TNIP3: variants seen among roughly 807,000 people sequenced by gnomAD.
The protein encoded by TNIP3 is TNFAIP3 interacting protein 3, also known as TNFAIP3-interacting protein 3.
Under a neutral mutation model 54.1 loss-of-function variants are expected in TNIP3, and 34 were observed. The ratio of observed to expected loss-of-function variants is 0.63; its 90% CI spans 0.48 to 0.84. The LOEUF (loss-of-function observed/expected upper bound fraction) is 0.84, where lower values mean the gene tolerates loss of function less well. TNIP3 is among the 40% of genes least tolerant of loss of function. The pLI is 0.00. For missense variants in TNIP3, 366 were observed against 387.6 expected (o/e 0.94, Z 0.47); for synonymous variants, 134 against 136.8 (o/e 0.98, Z 0.14).
chr4:121,210,210 C>A (rs1726405504), intron 2 of TNIP3, among the ~76,000 whole-genome samples: 1 of 151,828 alleles, frequency 6.6e-6, no homozygotes, highest in African/African-American at 2.4e-5. Flanking sequence ...ATTTCACCAT[C>A]CTTTAATGAA....
Position 121,132,426 on chromosome 4 carries a change from A to T in TNIP3, c.*205T>A. ...AACTGGAAGTTGTATTTGGTTGTAT[A>T]ATAACTGGCTCCTCCAATTTGATCA... is the stretch of plus-strand genomic sequence containing the variant. On this transcript the variant is annotated 3_prime_UTR_variant, in exon 11 of 11. Coordinates refer to ENST00000057513, the MANE Select transcript of TNIP3 (RefSeq NM_024873.6). The T allele has an allele frequency of 2.1e-6, 1 of 481,916 alleles. No individual in the cohort carries two copies. Among genetic ancestry groups the T allele is most frequent in the Non-Finnish European group, 3.7e-6 (1 of 271,278 alleles). The allele number at this position is 481,916 out of a possible 1,614,324, so 29.9% of individuals were successfully genotyped here. A position where few individuals can be genotyped will look rare whatever the true frequency, so the allele number is the denominator to read the frequency against.
At chr4:121,154,980 A>G (rs958637376) in intron 4 of TNIP3, among the ~76,000 whole-genome samples, 5 of 147,056 alleles carry the variant, frequency 3.4e-5, no homozygotes, top group African/African-American at 1.2e-4. Flanking sequence ...TTTTTTTTTT[A>G]AAGACGAATT....
At chr4:121,157,442 C>A (rs1232999378) in intron 3 of TNIP3, among the ~76,000 whole-genome samples, 199 bp from the exon 4 acceptor site, 1 of 152,070 alleles carries the variant, frequency 6.6e-6, no homozygotes, top group African/African-American at 2.4e-5. Context: ...ACCAAAACAG[C>A]CTTCTTTTCT....
Position 121,142,608 on chromosome 4 carries a change from T to G in TNIP3, c.786+118A>C, listed in dbSNP as rs1182130599. On this transcript the variant is annotated intron_variant, in intron 8 of 10. Transcript: ENST00000057513. ...TATCCGTTGATGGTGTAGTCAGTAA[T>G]GAAAAGCATGGGTTGTTGTAGGTCA... 4 of 895,756 alleles carry G rather than the reference T, an allele frequency of 4.5e-6. No homozygotes were observed. In the African/African-American group the frequency reaches 6.6e-5, roughly 15 times the overall value. 55.5% of individuals were successfully genotyped at this position (895,756 alleles called of 1,614,324 possible). A position where few individuals can be genotyped will look rare whatever the true frequency, so the allele number is the denominator to read the frequency against.
intron 2 of TNIP3, among the ~76,000 whole-genome samples, chr4:121,194,764 T>C (rs1725474731): frequency 6.6e-6 from 1 of 152,044 alleles, no homozygotes; most frequent in Non-Finnish European, 1.5e-5. Flanking sequence ...CTTCTCATAA[T>C]AAACAAATAG....
chr4:121,150,274 TC>T, intron 5 of TNIP3, 55 bp from the exon 6 acceptor site: 1 of 1,103,608 alleles, frequency 9.1e-7, no homozygotes, highest in Admixed American at 2.0e-5. Context: ...TGGAATGAAT[TC>T]TTTTATAATT....
intron 2 of TNIP3, among the ~76,000 whole-genome samples, chr4:121,212,044 T>C (rs923441758): frequency 9.2e-5 from 14 of 152,218 alleles, no homozygotes; most frequent in Non-Finnish European, 1.9e-4. Context: ...AATTCTAATT[T>C]GGTATTCTTT....
In TNIP3 at chr4:121,188,423, G is replaced by A. The variant is rs374031515; in HGVS notation, c.69-5627C>T. On this transcript the variant is annotated intron_variant, in intron 2 of 12. Transcript: ENST00000507879. ...TCTGTGAGCAGCCAGAGAGGACACA[G>A]GAAGAGATCAATGATTTTCAGGTGT... Among the ~76,000 whole-genome samples the A allele has an allele frequency of 5.2e-4, 79 of 152,218 alleles. No individual in the cohort carries two copies. In the South Asian group the frequency reaches 0.015, roughly 30 times the overall value.
chr4:121,136,470 C>T (rs1158071298), intron 10 of TNIP3: 2 of 152,102 alleles, frequency 1.3e-5, no homozygotes, highest in African/African-American at 4.8e-5. Flanking sequence ...TACTTAAATT[C>T]TCTAAGCCTC....
chr4:121,135,211 A>G (rs1161679937), intron 10 of TNIP3, among the ~76,000 whole-genome samples: 1 of 152,174 alleles, frequency 6.6e-6, no homozygotes, highest in Non-Finnish European at 1.5e-5. Context: ...GTAGGAGGAT[A>G]GATTATACTT....
chr4:121,197,816 A>AAT (rs1486932738), intron 2 of TNIP3, among the ~76,000 whole-genome samples: 1 of 152,178 alleles, frequency 6.6e-6, no homozygotes, highest in Non-Finnish European at 1.5e-5. Context: ...CTTGTTAATA[A>AAT]GGAGAGCCGT....
rs770799417 is a variant in TNIP3 at position 121,150,233 on chromosome 4, T to C, written c.493-14A>G. 1.3e-6 allele frequency: 2 copies of C among 1,503,784 alleles called. No homozygotes were observed. The highest frequency in any genetic ancestry group is 1.8e-6 in the Non-Finnish European group (2 of 1,082,028). The allele number at this position is 1,503,784 out of a possible 1,614,324, so 93.2% of individuals were successfully genotyped here. ...ATCCTGAAGAGCCTACGTAATAAGA[T>C]AAGTACACTGTTGATCTAAGATTTA... is the stretch of plus-strand genomic sequence containing the variant. On this transcript the variant is annotated splice_polypyrimidine_tract_variant and intron_variant, in intron 5 of 10. Coordinates refer to ENST00000057513, the MANE Select transcript of TNIP3 (RefSeq NM_024873.6).
rs1222508871 is a variant in TNIP3 at position 121,142,749 on chromosome 4, T to G, written c.763A>C (p.Lys255Gln). The change falls in exon 8 of 11, where the codon AAA (lysine) becomes CAA (glutamine). Residue 255 changes from lysine (K) to glutamine (Q), a missense_variant. Coordinates refer to ENST00000057513, the MANE Select transcript of TNIP3 (RefSeq NM_024873.6). ...QIKACQMEKEKLEKQLKQMYC... is the reference protein window; with the variant it reads ...QIKACQMEKEQLEKQLKQMYC... ...ACCTGTTTTAATTGCTTTTCTAGTT[T>G]TTCTTTCTCCATCTGACAAGCTTTT... The G allele has an allele frequency of 1.2e-6, 2 of 1,612,472 alleles. No individual in the cohort carries two copies. Among genetic ancestry groups the G allele is most frequent in the Non-Finnish European group, 1.7e-6 (2 of 1,178,878 alleles).
chr4:121,145,729 A>G (rs190516601), intron 7 of TNIP3, among the ~76,000 whole-genome samples: 312 of 151,838 alleles, frequency 2.1e-3, no homozygotes, highest in African/African-American at 7.1e-3. Flanking sequence ...TTGCTTTAAA[A>G]AACAAATATT....
At chr4:121,145,923 G>C (rs1317821634) in intron 7 of TNIP3, among the ~76,000 whole-genome samples, 2 of 151,180 alleles carry the variant, frequency 1.3e-5, no homozygotes, top group African/African-American at 4.9e-5. Flanking sequence ...GTTGCGGTGA[G>C]CCGAGATCAT....
At chr4:121,173,911 G>A (rs539641493) in intron 3 of TNIP3, among the ~76,000 whole-genome samples, 9 of 152,324 alleles carry the variant, frequency 5.9e-5, no homozygotes, top group Admixed American at 3.3e-4. Context: ...GATTACAGGC[G>A]TGAGCCATTG....
intron 3 of TNIP3, among the ~76,000 whole-genome samples, chr4:121,172,300 A>G (rs1724015459): frequency 6.6e-6 from 1 of 152,222 alleles, no homozygotes; most frequent in South Asian, 2.1e-4. Flanking sequence ...GGGAAGGATG[A>G]AAGAGTGGTT....
At chr4:121,192,115 A>G (rs1321098763) in intron 2 of TNIP3, among the ~76,000 whole-genome samples, 1 of 152,200 alleles carries the variant, frequency 6.6e-6, no homozygotes, top group African/African-American at 2.4e-5. Context: ...CTTTCAAGAC[A>G]TGATTACAAG....
chr4:121,189,376 G>A (rs1725184906), intron 2 of TNIP3, among the ~76,000 whole-genome samples: 1 of 152,210 alleles, frequency 6.6e-6, no homozygotes. Context: ...TTCTATAATG[G>A]AAATGCTTCC....
Sources: allele counts gnomAD v4.1 joint callset (sites outside exome capture counted in the v4.1 genomes callset), GRCh38; gene constraint gnomAD v4.1.1; transcripts MANE v1.5; gene names NCBI Gene and HGNC (gene_info 2026-07-23, HGNC 2026-07-21).